The following SAMMSON variants were observed in gnomAD, a reference collection of about 807,000 sequenced individuals.
SAMMSON encodes survival associated mitochondrial melanoma specific oncogenic non-coding RNA, also known as long intergenic non-protein coding RNA 1212.
intron 7 of SAMMSON, among the ~76,000 whole-genome samples, chr3:70,302,845 G>A (rs530156031): frequency 2.3e-4 from 35 of 152,144 alleles, no homozygotes; most frequent in South Asian, 8.3e-4. Context: ...CTTTCATTCC[G>A]TTGGGATCAA....
At chr3:70,042,929 G>A (rs987013969) in intron 3 of SAMMSON, among the ~76,000 whole-genome samples, 1 of 152,026 alleles carries the variant, frequency 6.6e-6, no homozygotes, top group Non-Finnish European at 1.5e-5. Context: ...CAGAGATTTC[G>A]CTTTGCCAGT....
chr3:70,014,354 A>T (rs1439494867), intron 3 of SAMMSON: 1 of 152,158 alleles, frequency 6.6e-6, no homozygotes, highest in Non-Finnish European at 1.5e-5. Context: ...CAACTGACCG[A>T]AGGAGGAAGA....
intron 7 of SAMMSON, among the ~76,000 whole-genome samples, chr3:70,347,080 A>T (rs936502485): frequency 2.0e-5 from 3 of 152,238 alleles, no homozygotes; most frequent in African/African-American, 7.2e-5. Context: ...GGATTGCAAC[A>T]TGCTAAAATA....
At chr3:70,189,282 C>T (rs1383251476) in intron 4 of SAMMSON, among the ~76,000 whole-genome samples, 1 of 152,084 alleles carries the variant, frequency 6.6e-6, no homozygotes, top group Non-Finnish European at 1.5e-5. Context: ...CATAGGGCAT[C>T]CTGGTAACTC....
chr3:70,154,995 A>G (rs2106689441), intron 4 of SAMMSON, among the ~76,000 whole-genome samples: 1 of 152,100 alleles, frequency 6.6e-6, no homozygotes, highest in South Asian at 2.1e-4. Context: ...GACCAATCAG[A>G]TCACTTGATA....
chr3:70,351,196 T>G (rs1157088438), intron 7 of SAMMSON, among the ~76,000 whole-genome samples: 1 of 152,096 alleles, frequency 6.6e-6, no homozygotes, highest in African/African-American at 2.4e-5. Context: ...GTGTAGTTCA[T>G]GTTAACCATT....
chr3:70,209,784 T>G (rs1348583104), intron 4 of SAMMSON, among the ~76,000 whole-genome samples: 4 of 152,122 alleles, frequency 2.6e-5, no homozygotes, highest in Admixed American at 2.0e-4. Context: ...TACTGTGATG[T>G]GTCACCTGCC....
intron 7 of SAMMSON, among the ~76,000 whole-genome samples, chr3:70,349,555 A>G (rs903187714): frequency 7.2e-5 from 11 of 152,170 alleles, no homozygotes; most frequent in African/African-American, 2.4e-4. Context: ...AGGGGTATTG[A>G]TAAAGTCTCA....
chr3:70,089,218 A>G (rs895206119), intron 4 of SAMMSON, among the ~76,000 whole-genome samples: 1 of 152,194 alleles, frequency 6.6e-6, no homozygotes, highest in African/African-American at 2.4e-5. Context: ...AGAATAGAAG[A>G]GTTTTACTAA....
intron 4 of SAMMSON, among the ~76,000 whole-genome samples, chr3:70,221,891 G>T (rs1044722652): frequency 6.6e-6 from 1 of 152,158 alleles, no homozygotes; most frequent in Non-Finnish European, 1.5e-5. Flanking sequence ...ACCGCAATTT[G>T]TGCCAACCCA....
chr3:70,391,673 AG>A, downstream of SAMMSON, among the ~76,000 whole-genome samples: 1 of 152,108 alleles, frequency 6.6e-6, no homozygotes, highest in East Asian at 1.9e-4. Context: ...TATGAAAGGG[AG>A]GTGGGAATAA....
intron 4 of SAMMSON, among the ~76,000 whole-genome samples, chr3:70,104,099 A>G (rs533202400): frequency 1.3e-5 from 2 of 151,648 alleles, no homozygotes; most frequent in African/African-American, 4.8e-5. Flanking sequence ...AAGTCAGAAG[A>G]TCCTGGATTG....
At chr3:70,028,172 TTCCTTCCTTCCTTC>T (rs2067049851) in intron 3 of SAMMSON, among the ~76,000 whole-genome samples, 5 of 148,924 alleles carry the variant, frequency 3.4e-5, no homozygotes, top group African/African-American at 1.0e-4. Flanking sequence ...CCTTCCTTCC[TTCCTTCCTTCCTTC>T]CTTTCTTTCT....
intron 4 of SAMMSON, among the ~76,000 whole-genome samples, chr3:70,245,816 C>T (rs1701702659): frequency 6.7e-6 from 1 of 149,088 alleles, no homozygotes; most frequent in Admixed American, 6.7e-5. Flanking sequence ...TTCCTGTCAC[C>T]ATCCAATTTT....
chr3:70,372,985 T>A, intron 9 of SAMMSON, among the ~76,000 whole-genome samples: 1 of 152,188 alleles, frequency 6.6e-6, no homozygotes, highest in East Asian at 1.9e-4. Context: ...CATTTAAAAC[T>A]TCATTAAACA....
chr3:70,223,312 T>C (rs926399609), intron 4 of SAMMSON, among the ~76,000 whole-genome samples: 4 of 152,164 alleles, frequency 2.6e-5, no homozygotes, highest in Non-Finnish European at 5.9e-5. Context: ...CACTTTTTTT[T>C]CTGACTCCCA....
intron 4 of SAMMSON, among the ~76,000 whole-genome samples, chr3:70,156,786 T>C (rs1451936642): frequency 1.3e-5 from 2 of 152,096 alleles, no homozygotes; most frequent in Non-Finnish European, 2.9e-5. Flanking sequence ...GGAAATATTC[T>C]TACAAAGCAT....
intron 4 of SAMMSON, among the ~76,000 whole-genome samples, chr3:70,195,121 A>G (rs977306859): frequency 1.3e-5 from 2 of 152,210 alleles, no homozygotes; most frequent in African/African-American, 4.8e-5. Context: ...GTGGTCTTGA[A>G]TAAGTCAGTT....
In SAMMSON at chr3:70,262,368, G is replaced by T. The variant is rs116281417; in HGVS notation, n.674+12698G>T. On this transcript the variant is annotated intron_variant and non_coding_transcript_variant, in intron 6 of 9. Coordinates refer to ENST00000642114, the Ensembl canonical transcript of SAMMSON. ...ACCATCTGATAACATAAGTTTTAAT[G>T]AGAAAAATATAACGGACAATAACTT... Among the ~76,000 whole-genome samples, 901 of 152,234 alleles carry T rather than the reference G, an allele frequency of 5.9e-3. 8 individuals are homozygous for T. Among genetic ancestry groups the T allele is most frequent in the African/African-American group, 0.021 (867 of 41,534 alleles).
Sources: allele counts gnomAD v4.1 joint callset (sites outside exome capture counted in the v4.1 genomes callset), GRCh38; gene constraint gnomAD v4.1.1; transcripts MANE v1.5; gene names NCBI Gene and HGNC (gene_info 2026-07-23, HGNC 2026-07-21).